Variants in MEF2C observed in about 807,000 individuals in gnomAD.
MEF2C encodes myocyte enhancer factor 2C, also known as myocyte-specific enhancer factor 2C.
A neutral mutation model predicts 50.5 loss-of-function variants in MEF2C; 6 were observed. The ratio of observed to expected loss-of-function variants is 0.12; its 90% confidence interval spans 0.07 to 0.23. The LOEUF (loss-of-function observed/expected upper bound fraction) is 0.23, where lower values mean the gene tolerates loss of function less well. Among genes scored for constraint, MEF2C ranks in the 10% least tolerant of loss-of-function variants. The pLI is 1.00. For missense variants in MEF2C, 276 were observed against 605.0 expected, an observed-to-expected ratio of 0.46 and a Z score of 5.70; for synonymous variants, 183 against 228.0, an observed-to-expected ratio of 0.80 and a Z score of 1.78.
At chr5:88,765,228 C>A (rs1320011014) in intron 3 of MEF2C, among the ~76,000 whole-genome samples, 4 of 152,150 alleles carry the variant, frequency 2.6e-5, no homozygotes, top group South Asian at 4.1e-4. Flanking sequence ...AAACACAAAG[C>A]TGAAGAGCAA....
rs187739859 is a variant in MEF2C at position 88,854,201 on chromosome 5, A to G, written c.-143+28754T>C. ...CAGTTTTCTTCTCTGTGAAATATGT[A>G]TTAGGATACAATAAATAGATACTAT... On this transcript the variant is annotated intron_variant, in intron 1 of 10. Transcript: ENST00000504921. 9.8e-5 allele frequency among the ~76,000 whole-genome samples: 15 copies of G among 152,316 alleles called. No individual in the cohort carries two copies. In the East Asian group the frequency reaches 2.9e-3, roughly 29 times the overall value.
At chr5:88,808,661 A>G (rs1353959793) in intron 2 of MEF2C, among the ~76,000 whole-genome samples, 1 of 152,134 alleles carries the variant, frequency 6.6e-6, no homozygotes, top group Non-Finnish European at 1.5e-5. Context: ...ATTCTGCATT[A>G]TGTTCATATT....
intron 1 of MEF2C, among the ~76,000 whole-genome samples, chr5:88,848,660 G>A (rs765398327): frequency 1.4e-4 from 21 of 152,032 alleles, no homozygotes; most frequent in Non-Finnish European, 2.5e-4. Flanking sequence ...AATTAAGTTT[G>A]GATTTTGGTA....
intron 5 of MEF2C, chr5:88,751,215 T>A: frequency 2.0e-6 from 2 of 983,120 alleles, no homozygotes; most frequent in Non-Finnish European, 2.4e-6. Context: ...TTCTGAGAAA[T>A]AATTTATTTT....
chr5:88,797,210 A>G (rs1796359894), intron 3 of MEF2C, among the ~76,000 whole-genome samples: 1 of 152,102 alleles, frequency 6.6e-6, no homozygotes. Context: ...GTTCTGTCTA[A>G]TATTGACAGT....
At chr5:88,865,937 C>T (rs972118186) in intron 1 of MEF2C, among the ~76,000 whole-genome samples, 1 of 151,712 alleles carries the variant, frequency 6.6e-6, no homozygotes, top group African/African-American at 2.4e-5. Context: ...GGTCTGTAGC[C>T]CAGGCTGGAG....
intron 1 of MEF2C, among the ~76,000 whole-genome samples, chr5:88,840,532 A>C (rs1327388448): frequency 2.0e-5 from 3 of 152,158 alleles, no homozygotes; most frequent in Non-Finnish European, 4.4e-5. Flanking sequence ...CATGAATTTT[A>C]AAGTAAATGT....
intron 6 of MEF2C, among the ~76,000 whole-genome samples, chr5:88,745,473 C>T (rs1389139000): frequency 2.0e-5 from 3 of 152,166 alleles, no homozygotes; most frequent in Admixed American, 6.5e-5. Flanking sequence ...TAAGAGTAAG[C>T]GGCCGTGACA....
At chr5:88,731,519 T>C in intron 7 of MEF2C, 1 of 444,716 alleles carries the variant, frequency 2.2e-6, no homozygotes, top group Non-Finnish European at 4.1e-6. Flanking sequence ...GTTCACCAGA[T>C]ATATATATAT....
intron 3 of MEF2C, among the ~76,000 whole-genome samples, chr5:88,771,189 G>T (rs987872074): frequency 6.6e-6 from 1 of 152,212 alleles, no homozygotes. Flanking sequence ...GACATGTGGG[G>T]ACTGTAACAA....
chr5:88,887,674 T>C (rs1174023227), upstream of MEF2C: 1 of 152,248 alleles, frequency 6.6e-6, no homozygotes, highest in Non-Finnish European at 1.5e-5. Context: ...AATAGATTTA[T>C]TTCTAAAACT....
intron 2 of MEF2C, among the ~76,000 whole-genome samples, chr5:88,809,232 C>T (rs1025052704): frequency 6.6e-5 from 10 of 151,464 alleles, no homozygotes; most frequent in South Asian, 2.1e-4. Context: ...CTATTAGGTG[C>T]GAAGGAAAAA....
intron 6 of MEF2C, chr5:88,734,373 G>T: frequency 4.1e-6 from 4 of 985,286 alleles, no homozygotes; most frequent in Non-Finnish European, 4.8e-6. Context: ...GTTAAGCAGT[G>T]CAATGAAGCT....
intron 6 of MEF2C, chr5:88,735,519 A>G (rs1314820672): frequency 1.0e-6 from 1 of 981,274 alleles, no homozygotes; most frequent in Non-Finnish European, 1.2e-6. Flanking sequence ...CCAACTTTAG[A>G]GTCAGTTTGT....
chr5:88,729,589 C>A, intron 8 of MEF2C: 1 of 465,456 alleles, frequency 2.1e-6, no homozygotes, highest in Non-Finnish European at 3.9e-6. Flanking sequence ...GTAACAAGTA[C>A]CATAGCTTTA....
chr5:88,760,459 G>A (rs894642364), intron 4 of MEF2C, among the ~76,000 whole-genome samples: 5 of 152,192 alleles, frequency 3.3e-5, no homozygotes, highest in African/African-American at 7.2e-5. Flanking sequence ...TCCCTGCAGC[G>A]AGCATTAGCT....
chr5:88,759,371 A>G (rs530274995), intron 4 of MEF2C, among the ~76,000 whole-genome samples: 288 of 152,314 alleles, frequency 1.9e-3, no homozygotes, highest in African/African-American at 4.7e-3. Flanking sequence ...AATCCTAGCT[A>G]TTCGGGAGGC....
At chr5:88,899,310 G>A (rs541888089) in intron 1 of MEF2C, among the ~76,000 whole-genome samples, 61 of 152,260 alleles carry the variant, frequency 4.0e-4, no homozygotes, top group South Asian at 2.1e-4. Context: ...GCTACTTATA[G>A]CAATAGGGAT....
At chr5:88,755,191 T>C (rs1347330758) in intron 4 of MEF2C, among the ~76,000 whole-genome samples, 1 of 152,192 alleles carries the variant, frequency 6.6e-6, no homozygotes, top group Admixed American at 6.5e-5. Context: ...AAGGAGAATT[T>C]TTAGGAAGAC....
Sources: allele counts gnomAD v4.1 joint callset (sites outside exome capture counted in the v4.1 genomes callset), GRCh38; gene constraint gnomAD v4.1.1; transcripts MANE v1.5; gene names NCBI Gene and HGNC (gene_info 2026-07-23, HGNC 2026-07-21).